The following INPP5B variants were observed in gnomAD, a reference collection of about 807,000 sequenced individuals.
The protein encoded by INPP5B is inositol polyphosphate-5-phosphatase B, also known as type II inositol 1,4,5-trisphosphate 5-phosphatase.
A neutral mutation model predicts 118.5 loss-of-function variants in INPP5B; 90 were observed. The ratio of observed to expected loss-of-function variants is 0.76; its 90% CI spans 0.64 to 0.90. The LOEUF (loss-of-function observed/expected upper bound fraction) is 0.90. Among genes scored for constraint, INPP5B ranks in the 40% least tolerant of loss-of-function variants. INPP5B has a pLI of 0.00. For missense variants in INPP5B, 984 were observed against 1,125.6 expected (o/e 0.87, Z 1.80); for synonymous variants, 385 against 418.9 (o/e 0.92, Z 0.99).
chr1:37,920,179 G>C (rs6604853), intron 7 of INPP5B, among the ~76,000 whole-genome samples: 88,014 of 152,054 alleles, frequency 0.58, 27,757 homozygotes, highest in Non-Finnish European at 0.71. Context: ...TCTGAGCCAA[G>C]AGTCTGTGCT....
rs753793706 is a variant in INPP5B, at chr1:37,880,086, T to G, written c.1540A>C (p.Ser514Arg). 17 of 1,600,464 alleles carry G rather than the reference T, an allele frequency of 1.1e-5. No homozygotes were observed. In the East Asian group the frequency reaches 1.8e-4, roughly 17 times the overall value. The change falls in exon 15 of 24, where the codon AGT becomes CGT. Residue 514 changes from serine to arginine, a missense_variant and splice_region_variant. Coordinates refer to ENST00000373024, the MANE Select transcript of INPP5B (RefSeq NM_005540.3). ...YDTGSDDWDT[S>R]EKCRAPAWCD... is the part of the protein sequence containing the mutation. ...CCTTTGAAGCAACCTCTGACCTACCTGGTATCCCAGTCGTCAGAGCCCGTA... is the reference window on the plus strand; with the variant it reads ...CCTTTGAAGCAACCTCTGACCTACCGGGTATCCCAGTCGTCAGAGCCCGTA...
chr1:37,898,215 A>G (rs1273169635), intron 7 of INPP5B, among the ~76,000 whole-genome samples: 2 of 152,204 alleles, frequency 1.3e-5, no homozygotes, highest in Non-Finnish European at 2.9e-5. Flanking sequence ...AACATTCTGG[A>G]TAAGACAAAA....
At position 37,891,346 on chromosome 1, in the gene INPP5B, G is replaced by A; in HGVS notation, c.629+12C>T. On this transcript the variant is annotated intron_variant, in intron 8 of 23. Coordinates refer to ENST00000373024, the MANE Select transcript of INPP5B (RefSeq NM_005540.3). ...GTCCTACAAGGGACAAGTGAAGGGAGAGTTGCATTACCTTGGTTGCAAGCT... is the reference window on the plus strand; with the variant it reads ...GTCCTACAAGGGACAAGTGAAGGGAAAGTTGCATTACCTTGGTTGCAAGCT... The A allele has an allele frequency of 6.3e-7, 1 of 1,597,516 alleles. No individual in the cohort carries two copies. Among genetic ancestry groups the A allele is most frequent in the Non-Finnish European group, 8.6e-7 (1 of 1,164,824 alleles).
intron 17 of INPP5B, among the ~76,000 whole-genome samples, chr1:37,874,595 C>G (rs939719187): frequency 2.2e-4 from 34 of 152,106 alleles, no homozygotes; most frequent in African/African-American, 7.7e-4. Context: ...CTCAGGAGTT[C>G]AAGACCAGCC....
intron 17 of INPP5B, 57 bp downstream of exon 17, chr1:37,875,549 T>G: frequency 1.1e-4 from 150 of 1,355,074 alleles, no homozygotes; most frequent in Non-Finnish European, 1.4e-4. Flanking sequence ...ATTACAGGCG[T>G]GAGCCACTGC....
At chr1:37,874,376 T>C (rs1230002129) in intron 17 of INPP5B, among the ~76,000 whole-genome samples, 5 of 152,218 alleles carry the variant, frequency 3.3e-5, no homozygotes, top group Admixed American at 2.6e-4. Context: ...TATGTCTACT[T>C]CCTGAAGAAG....
intron 20 of INPP5B, 87 bp from the exon 21 acceptor site, chr1:37,866,630 G>A: frequency 2.6e-6 from 2 of 783,078 alleles, no homozygotes; most frequent in Non-Finnish European, 2.2e-6. Context: ...ATAGCAGAAT[G>A]CAAAAAGGAG....
chr1:37,875,269 C>T (rs1447739939), intron 17 of INPP5B, among the ~76,000 whole-genome samples: 2 of 150,890 alleles, frequency 1.3e-5, no homozygotes, highest in Non-Finnish European at 3.0e-5. Flanking sequence ...AAGAGCCCAA[C>T]ACTAATCTTT....
At chr1:37,915,649 T>C (rs1644837687) in intron 7 of INPP5B, among the ~76,000 whole-genome samples, 1 of 152,236 alleles carries the variant, frequency 6.6e-6, no homozygotes, top group Non-Finnish European at 1.5e-5. Context: ...TATGCTGTAT[T>C]TGTATGGACT....
chr1:37,883,886 G>A (rs1326367954), intron 13 of INPP5B: 34 of 972,428 alleles, frequency 3.5e-5, no homozygotes, highest in Non-Finnish European at 3.8e-5. Flanking sequence ...AAGAAGTGGC[G>A]TATGTTATCA....
At chr1:37,924,238 G>A (rs893261661) in intron 7 of INPP5B, among the ~76,000 whole-genome samples, 1 of 150,438 alleles carries the variant, frequency 6.6e-6, no homozygotes, top group African/African-American at 2.4e-5. Flanking sequence ...GCGTGATCTC[G>A]GCTCACTGCA....
rs1181471998 is a variant in INPP5B, at chr1:37,940,747, T to A, written c.332A>T (p.Gln111Leu). The A allele has an allele frequency of 6.2e-7, 1 of 1,614,036 alleles. No individual in the cohort carries two copies. Among genetic ancestry groups the A allele is most frequent in the Non-Finnish European group, 8.5e-7 (1 of 1,179,944 alleles). Residue 111 changes from glutamine to leucine, a missense_variant, in exon 6 of 24, where the codon CAA (glutamine) becomes CTA (leucine). This residue lies in a region of INPP5B where 350 missense variants were observed against 334.6 expected (regional missense o/e 1.05). Coordinates refer to ENST00000373024, the MANE Select transcript of INPP5B (RefSeq NM_005540.3). Reference sequence around the variant, plus strand: ...CCTGGTTTGTGAACCAAAGGGCAGTTGGAATACGAGGCTAAGCTCTGCTGT... The same window carrying A: ...CCTGGTTTGTGAACCAAAGGGCAGTAGGAATACGAGGCTAAGCTCTGCTGT... ...LDTAELSLVF[Q>L]LPFGSQTRMF... is the part of the protein sequence containing the mutation.
At chr1:37,883,227 G>A (rs1197785293) in intron 13 of INPP5B, 2 of 985,220 alleles carry the variant, frequency 2.0e-6, no homozygotes. Flanking sequence ...CCTGGGAAGA[G>A]GGAAAAAAAA....
chr1:37,936,662 G>A (rs1190897023), intron 6 of INPP5B, among the ~76,000 whole-genome samples: 1 of 151,740 alleles, frequency 6.6e-6, no homozygotes, highest in African/African-American at 2.4e-5. Flanking sequence ...GGGAGAGGGT[G>A]CCATGAGCTA....
intron 7 of INPP5B, 163 bp downstream of exon 7, chr1:37,931,750 C>T: frequency 6.2e-7 from 1 of 1,600,118 alleles, no homozygotes. Flanking sequence ...ATCCCGCCGC[C>T]CGTCCCGCGC....
chr1:37,896,664 G>A (rs1282410874), intron 7 of INPP5B, among the ~76,000 whole-genome samples: 14 of 131,982 alleles, frequency 1.1e-4, no homozygotes, highest in South Asian at 7.5e-4. Flanking sequence ...CTGCCCGGCC[G>A]CCCCTACTGG....
intron 13 of INPP5B, 97 bp downstream of exon 13, chr1:37,885,541 A>G: frequency 9.8e-7 from 1 of 1,022,462 alleles, no homozygotes; most frequent in Non-Finnish European, 1.5e-6. Flanking sequence ...CCATTGCAGC[A>G]ATAGGAAACC....
intron 6 of INPP5B, among the ~76,000 whole-genome samples, chr1:37,937,972 CAA>C (rs916186225): frequency 1.4e-4 from 8 of 57,636 alleles, no homozygotes; most frequent in African/African-American, 2.3e-4. Context: ...AAGTTGGTCT[CAA>C]AAAAAAAAAA....
intron 7 of INPP5B, among the ~76,000 whole-genome samples, chr1:37,909,663 G>C (rs1330693110): frequency 6.6e-6 from 1 of 152,156 alleles, no homozygotes; most frequent in Non-Finnish European, 1.5e-5. Context: ...CCAGAAGGCT[G>C]TCTTATTCTC....
Sources: gnomAD v4.1 joint callset for allele counts (sites outside exome capture counted in the v4.1 genomes callset) on GRCh38, gnomAD v4.1.1 for gene constraint, gnomAD v4.1.1 regional missense constraint, MANE v1.5 for transcripts, NCBI Gene and HGNC (gene_info 2026-07-23, HGNC 2026-07-21) for gene names.